RBMS1: variants seen among roughly 807,000 people sequenced by gnomAD.
RBMS1 encodes RNA binding motif single stranded interacting protein 1, also known as RNA-binding motif, single-stranded-interacting protein 1.
In RBMS1, 17 loss-of-function variants were observed where a neutral mutation model predicts 62.3. The observed-to-expected ratio is 0.27, with a 90% CI of 0.19 to 0.41. RBMS1 has a LOEUF of 0.41. RBMS1 is among the 10% of genes least tolerant of loss of function. RBMS1 has a pLI of 1.00. For synonymous variants in RBMS1, 172 were observed against 170.0 expected (o/e 1.01, Z -0.09); for missense variants, 334 against 504.5 (o/e 0.66, Z 3.24).
In RBMS1 at chr2:160,293,402, C is replaced by CA. The variant is rs1688778667; in HGVS notation, c.641-6319dup. Among the ~76,000 whole-genome samples the CA allele has an allele frequency of 4.6e-5, 7 of 152,274 alleles. No individual in the cohort carries two copies. The South Asian group carries it at 1.4e-3, about 32-fold the overall frequency. On this transcript the variant is annotated intron_variant, in intron 6 of 13. Coordinates refer to ENST00000348849, the MANE Select transcript of RBMS1 (RefSeq NM_016836.4). ...GGAAAAGTCAGAGTAACACAGAAAG[C>CA]AGATGTAAAACAAGCTGAAGCCTTT...
intron 2 of RBMS1, among the ~76,000 whole-genome samples, chr2:160,327,484 C>T (rs1691007926): frequency 6.6e-6 from 1 of 152,094 alleles, no homozygotes; most frequent in Admixed American, 6.5e-5. Flanking sequence ...AATAAAAGAG[C>T]ATATTATAAA....
intron 2 of RBMS1, among the ~76,000 whole-genome samples, chr2:160,350,996 A>T (rs567514680): frequency 6.6e-6 from 1 of 152,116 alleles, no homozygotes; most frequent in African/African-American, 2.4e-5. Context: ...CCTATTCGCC[A>T]TAAAAAAGGA....
chr2:160,489,114 T>C (rs1047613316), intron 1 of RBMS1, among the ~76,000 whole-genome samples: 2 of 152,146 alleles, frequency 1.3e-5, no homozygotes, highest in Non-Finnish European at 2.9e-5. Context: ...GCTCCCAACA[T>C]AGGGGAAAAA....
At chr2:160,352,085 A>C (rs542563385) in intron 2 of RBMS1, among the ~76,000 whole-genome samples, 1 of 152,310 alleles carries the variant, frequency 6.6e-6, no homozygotes, top group East Asian at 1.9e-4. Context: ...AAGCTGACTC[A>C]TAACTTCTTA....
chr2:160,491,921 T>A (rs944413422), intron 1 of RBMS1, among the ~76,000 whole-genome samples: 1 of 152,102 alleles, frequency 6.6e-6, no homozygotes, highest in Non-Finnish European at 1.5e-5. Flanking sequence ...CAAAGTAAAG[T>A]GGGAATTGGG....
At chr2:160,417,721 T>C (rs1028672568) in intron 1 of RBMS1, among the ~76,000 whole-genome samples, 1 of 152,238 alleles carries the variant, frequency 6.6e-6, no homozygotes, top group Non-Finnish European at 1.5e-5. Flanking sequence ...CTATAAAGCA[T>C]GGCATACAAG....
rs1329767530 is a variant in RBMS1 at position 160,407,591 on chromosome 2, C to G, written c.76-40200G>C. 4 of 982,656 alleles carry G rather than the reference C, an allele frequency of 4.1e-6. No homozygotes were observed. In the East Asian group the frequency reaches 3.4e-4, roughly 84 times the overall value. 60.9% of individuals were successfully genotyped at this position (982,656 alleles called of 1,614,324 possible). A position where few individuals can be genotyped will look rare whatever the true frequency, so the allele number is the denominator to read the frequency against. On this transcript the variant is annotated intron_variant, in intron 1 of 13. Coordinates refer to ENST00000348849, the MANE Select transcript of RBMS1 (RefSeq NM_016836.4). ...GCGCGGGCGCGGGGCAGCCTCGCCG[C>G]GAGGGGGAGGGCGCAAGGAGGTGGC...
intron 4 of RBMS1, among the ~76,000 whole-genome samples, chr2:160,307,135 C>T (rs537631614): frequency 1.3e-4 from 19 of 151,864 alleles, no homozygotes; most frequent in South Asian, 2.1e-4. Flanking sequence ...AGTCATCATC[C>T]GAAAGAAATT....
At chr2:160,439,126 G>A (rs1166235227) in intron 1 of RBMS1, among the ~76,000 whole-genome samples, 1 of 150,108 alleles carries the variant, frequency 6.7e-6, no homozygotes, top group Non-Finnish European at 1.5e-5. Flanking sequence ...CGGATGGGGC[G>A]GCTGGCCGGG....
intron 2 of RBMS1, among the ~76,000 whole-genome samples, chr2:160,323,612 G>GAAAAA (rs1213069883): frequency 1.2e-5 from 1 of 86,122 alleles, no homozygotes; most frequent in Non-Finnish European, 2.1e-5. Context: ...TTTCATGAAA[G>GAAAAA]AAAAAAAAAA....
intron 1 of RBMS1, among the ~76,000 whole-genome samples, chr2:160,483,293 G>T (rs1311379212): frequency 6.6e-6 from 1 of 151,928 alleles, no homozygotes; most frequent in Non-Finnish European, 1.5e-5. Context: ...TTTAGTATGG[G>T]TTAAGAAAAA....
At chr2:160,381,167 A>T (rs1350918954) in intron 1 of RBMS1, among the ~76,000 whole-genome samples, 1 of 152,146 alleles carries the variant, frequency 6.6e-6, no homozygotes, top group South Asian at 2.1e-4. Context: ...TTACAATAAT[A>T]GCTCATATGC....
At chr2:160,476,573 G>A (rs1306983353) in intron 1 of RBMS1, among the ~76,000 whole-genome samples, 1 of 29,944 alleles carries the variant, frequency 3.3e-5, no homozygotes, top group Non-Finnish European at 7.3e-5. Flanking sequence ...TTTTTTTTTT[G>A]AGACAGAGTC....
intron 1 of RBMS1, among the ~76,000 whole-genome samples, chr2:160,383,456 G>A (rs997009925): frequency 2.0e-5 from 3 of 148,228 alleles, no homozygotes; most frequent in African/African-American, 7.4e-5. Context: ...CATGAATTGG[G>A]GGGGGGGGAA....
intron 3 of RBMS1, among the ~76,000 whole-genome samples, chr2:160,315,671 GTCTT>G (rs1690177594): frequency 6.6e-6 from 1 of 152,104 alleles, no homozygotes; most frequent in African/African-American, 2.4e-5. Flanking sequence ...AAGTATTCTG[GTCTT>G]ACATGCACTT....
intron 1 of RBMS1, among the ~76,000 whole-genome samples, chr2:160,395,230 T>C (rs1274177053): frequency 6.6e-6 from 1 of 152,236 alleles, no homozygotes; most frequent in East Asian, 1.9e-4. Context: ...AAAATGAGTA[T>C]TTTAATTCCT....
intron 1 of RBMS1, among the ~76,000 whole-genome samples, chr2:160,408,263 C>G (rs994065267): frequency 6.6e-6 from 1 of 151,998 alleles, no homozygotes; most frequent in Non-Finnish European, 1.5e-5. Flanking sequence ...GGGGACCACT[C>G]TGGCACCTCG....
At chr2:160,295,323 T>C (rs1424802413) in intron 6 of RBMS1, among the ~76,000 whole-genome samples, 2 of 152,216 alleles carry the variant, frequency 1.3e-5, no homozygotes, top group Non-Finnish European at 2.9e-5. Flanking sequence ...ACAAGTTCCC[T>C]GAGTCTAGCA....
chr2:160,482,061 C>T (rs968771326), intron 1 of RBMS1, among the ~76,000 whole-genome samples: 2 of 152,018 alleles, frequency 1.3e-5, no homozygotes, highest in East Asian at 3.8e-4. Context: ...AATCCAAATG[C>T]TCATTAATAA....
Sources: gnomAD v4.1 joint callset for allele counts (sites outside exome capture counted in the v4.1 genomes callset) on GRCh38, gnomAD v4.1.1 for gene constraint, MANE v1.5 for transcripts, NCBI Gene and HGNC (gene_info 2026-07-23, HGNC 2026-07-21) for gene names.